The following KIAA0825 variants were observed in gnomAD, a reference collection of about 807,000 sequenced individuals.
KIAA0825 encodes the protein uncharacterized protein KIAA0825.
A neutral mutation model predicts 147.6 loss-of-function variants in KIAA0825; 119 were observed. That is an observed-to-expected ratio of 0.81 (90% CI 0.69 to 0.94). The LOEUF (loss-of-function observed/expected upper bound fraction) is 0.94, where lower values mean the gene tolerates loss of function less well. Among genes scored for constraint, KIAA0825 ranks in the 40% least tolerant of loss-of-function variants. KIAA0825 has a pLI of 0.00. For synonymous variants in KIAA0825, 470 were observed against 518.1 expected (o/e 0.91, Z 1.26); for missense variants, 1,381 against 1,472.7 (o/e 0.94, Z 1.02).
intron 15 of KIAA0825, chr5:94,413,288 A>T (rs947810299): frequency 1.3e-5 from 2 of 152,098 alleles, no homozygotes; most frequent in Non-Finnish European, 2.9e-5. Flanking sequence ...TGGTTCCTGG[A>T]ATGAATTCCT....
chr5:94,511,560 C>A lies in KIAA0825; in HGVS notation c.970+8688G>T, dbSNP rs185958696. ...GCTTGAACCCGGGAGGCAGAGGTTGCGGTGAGCTGAGATTGTGCCATTGCA... is the reference window on the plus strand; with the variant it reads ...GCTTGAACCCGGGAGGCAGAGGTTGAGGTGAGCTGAGATTGTGCCATTGCA... On this transcript the variant is annotated intron_variant, in intron 5 of 20. Coordinates refer to ENST00000682413, the MANE Select transcript of KIAA0825 (RefSeq NM_001145678.3). 3.0e-3 allele frequency among the ~76,000 whole-genome samples: 459 copies of A among 152,128 alleles called. 2 individuals are homozygous for A. Among genetic ancestry groups the A allele is most frequent in the Admixed American group, 0.013 (206 of 15,272 alleles).
intron 20 of KIAA0825, among the ~76,000 whole-genome samples, chr5:94,273,202 T>C (rs951381012): frequency 2.0e-5 from 3 of 152,158 alleles, no homozygotes; most frequent in African/African-American, 7.2e-5. Flanking sequence ...TTGCAAGTAT[T>C]AAATGAGTTA....
intron 5 of KIAA0825, among the ~76,000 whole-genome samples, chr5:94,514,156 A>T (rs544255813): frequency 1.3e-5 from 2 of 152,292 alleles, no homozygotes; most frequent in Middle Eastern, 6.8e-3. Flanking sequence ...AAAGGATCTC[A>T]AACCTGGTAA....
chr5:94,407,860 G>C lies in KIAA0825; in HGVS notation c.2663-4067C>G, dbSNP rs547449685. Among the ~76,000 whole-genome samples, 9 of 152,250 alleles carry C rather than the reference G, an allele frequency of 5.9e-5. No homozygotes were observed. In the East Asian group the frequency reaches 1.5e-3, roughly 26 times the overall value. On this transcript the variant is annotated intron_variant, in intron 15 of 20. Coordinates refer to ENST00000682413, the MANE Select transcript of KIAA0825 (RefSeq NM_001145678.3). The stretch of plus-strand genomic sequence containing the variant: ...ATATAAATTATATCTCAGTACATTT[G>C]TTATAAAAATGCAATTGCCTCTAAA...
chr5:94,425,776 G>T (rs1326247135), intron 14 of KIAA0825, among the ~76,000 whole-genome samples: 2 of 152,002 alleles, frequency 1.3e-5, no homozygotes, highest in African/African-American at 2.4e-5. Flanking sequence ...CACAGCATTT[G>T]TTATTTTTTT....
chr5:94,520,233 T>C lies in KIAA0825; in HGVS notation c.970+15A>G. On this transcript the variant is annotated intron_variant, in intron 5 of 20. Coordinates refer to ENST00000682413, the MANE Select transcript of KIAA0825 (RefSeq NM_001145678.3). ...ACTTAAGTTAAACCAAACAAAAATTTTAAATGTCACTAACCCAAAGCATGC... is the reference window on the plus strand; with the variant it reads ...ACTTAAGTTAAACCAAACAAAAATTCTAAATGTCACTAACCCAAAGCATGC... 2 of 1,550,774 alleles carry C rather than the reference T, an allele frequency of 1.3e-6. No homozygotes were observed. Among genetic ancestry groups the C allele is most frequent in the Non-Finnish European group, 1.7e-6 (2 of 1,151,750 alleles).
intron 5 of KIAA0825, among the ~76,000 whole-genome samples, chr5:94,514,267 A>G (rs1313511562): frequency 6.6e-6 from 1 of 152,172 alleles, no homozygotes; most frequent in African/African-American, 2.4e-5. Context: ...TTCTTCATTT[A>G]GATACTTTTT....
At chr5:94,477,694 A>G (rs1762048436) in intron 6 of KIAA0825, among the ~76,000 whole-genome samples, 1 of 152,166 alleles carries the variant, frequency 6.6e-6, no homozygotes, top group Non-Finnish European at 1.5e-5. Context: ...GAGAAAAATT[A>G]TACCCTTAAG....
intron 14 of KIAA0825, among the ~76,000 whole-genome samples, chr5:94,418,180 A>G (rs1753712765): frequency 6.6e-6 from 1 of 152,160 alleles, no homozygotes; most frequent in African/African-American, 2.4e-5. Flanking sequence ...ATCTTGCATA[A>G]ATCTAAAGCA....
At chr5:94,608,572 G>A (rs1223356937) in intron 1 of KIAA0825, among the ~76,000 whole-genome samples, 1 of 125,868 alleles carries the variant, frequency 7.9e-6, no homozygotes, top group Non-Finnish European at 1.6e-5. Flanking sequence ...GACTTCAAGT[G>A]ATCTACCCAT....
intron 15 of KIAA0825, among the ~76,000 whole-genome samples, chr5:94,408,542 TGTG>T (rs1752370915): frequency 6.6e-6 from 1 of 151,628 alleles, no homozygotes; most frequent in South Asian, 2.1e-4. Context: ...TGTGTGTGTG[TGTG>T]TATTTTTAGT....
At chr5:94,159,702 G>A (rs1767370033) in intron 20 of KIAA0825, among the ~76,000 whole-genome samples, 1 of 152,028 alleles carries the variant, frequency 6.6e-6, no homozygotes, top group South Asian at 2.1e-4. Flanking sequence ...ACCCTAGCAT[G>A]GCCAAGGTTG....
rs1316866271 is a variant in KIAA0825, at chr5:94,453,068, T to G, written c.2248A>C (p.Thr750Pro). 1 of 1,466,844 alleles carries G rather than the reference T, an allele frequency of 6.8e-7. No homozygotes were observed. Among genetic ancestry groups the G allele is most frequent in the Non-Finnish European group, 9.1e-7 (1 of 1,095,708 alleles). 90.9% of individuals were successfully genotyped at this position (1,466,844 alleles called of 1,614,324 possible). The change falls in exon 13 of 21, where the codon ACT becomes CCT. Residue 750 changes from threonine (T) to proline (P), a missense_variant and splice_region_variant. Thr to Pro is a conservative substitution (Grantham distance 38). Transcript: ENST00000682413. Reference protein sequence around the residue: ...LTSPLTELYKTFQHGLDESAS... With the variant: ...LTSPLTELYKPFQHGLDESAS... ...GACTCATCCAGGCCATGCTGAAAAG[T>G]CCTAGGGAAATACAAATAATTAGTT...
intron 20 of KIAA0825, among the ~76,000 whole-genome samples, chr5:94,311,253 TG>T (rs1257972853): frequency 6.0e-5 from 9 of 150,650 alleles, no homozygotes; most frequent in East Asian, 5.8e-4. Flanking sequence ...GTTTTTTTTT[TG>T]TTGTTGTTGT....
At chr5:94,280,671 G>A (rs553804505) in intron 20 of KIAA0825, among the ~76,000 whole-genome samples, 12 of 152,064 alleles carry the variant, frequency 7.9e-5, no homozygotes, top group African/African-American at 2.2e-4. Flanking sequence ...TGCACCACAC[G>A]TCCTCACTGC....
intron 2 of KIAA0825, among the ~76,000 whole-genome samples, chr5:94,554,223 A>G (rs1032682890): frequency 4.6e-5 from 7 of 152,192 alleles, no homozygotes; most frequent in Non-Finnish European, 1.0e-4. Context: ...TTACTCAACA[A>G]AAGATGTCTG....
At chr5:94,559,801 C>T (rs1283487873) in intron 2 of KIAA0825, among the ~76,000 whole-genome samples, 1 of 152,150 alleles carries the variant, frequency 6.6e-6, no homozygotes, top group Non-Finnish European at 1.5e-5. Flanking sequence ...ATCACTGATT[C>T]GAAGGTTCTT....
chr5:94,514,083 T>C (rs1766873498), intron 5 of KIAA0825, among the ~76,000 whole-genome samples: 1 of 152,238 alleles, frequency 6.6e-6, no homozygotes, highest in African/African-American at 2.4e-5. Context: ...AAATAAAAAA[T>C]ATAGATGCAT....
intron 20 of KIAA0825, among the ~76,000 whole-genome samples, chr5:94,341,268 T>A (rs1338990181): frequency 1.3e-5 from 2 of 152,228 alleles, no homozygotes; most frequent in Admixed American, 6.5e-5. Flanking sequence ...GAGTTTTGTT[T>A]AAAATTCCCA....
Sources: gnomAD v4.1 joint callset for allele counts (sites outside exome capture counted in the v4.1 genomes callset) on GRCh38, gnomAD v4.1.1 for gene constraint, MANE v1.5 for transcripts, NCBI Gene and HGNC (gene_info 2026-07-23, HGNC 2026-07-21) for gene names.